The following C12orf56 variants were observed in gnomAD, a reference collection of about 807,000 sequenced individuals.
C12orf56 encodes uncharacterized protein C12orf56.
C12orf56 carries 71 observed loss-of-function variants against 69.9 expected under a neutral mutation model. The ratio of observed to expected loss-of-function variants is 1.02; its 90% CI spans 0.84 to 1.24. C12orf56 has a LOEUF of 1.24. Among genes scored for constraint, C12orf56 ranks in the 50% most tolerant of loss-of-function variants. C12orf56 has a pLI of 0.00. For synonymous variants in C12orf56, 276 were observed against 274.1 expected (o/e 1.01, Z -0.07); for missense variants, 732 against 738.5 (o/e 0.99, Z 0.10).
intron 6 of C12orf56, among the ~76,000 whole-genome samples, chr12:64,295,130 G>A (rs7295936): frequency 0.021 from 3,147 of 152,154 alleles, 104 homozygotes; most frequent in African/African-American, 0.07. Context: ...TGAGCCACTC[G>A]CCTTGGCCTC....
chr12:64,333,653 C>T (rs1185512950), intron 2 of C12orf56, among the ~76,000 whole-genome samples: 1 of 152,174 alleles, frequency 6.6e-6, no homozygotes, highest in Non-Finnish European at 1.5e-5. Flanking sequence ...AGGCGCTTGC[C>T]ACCATGCCCA....
chr12:64,355,056 G>C (rs6581550), intron 1 of C12orf56, among the ~76,000 whole-genome samples: 140,367 of 140,886 alleles, frequency 1, 69,926 homozygotes, highest in South Asian at 1. Flanking sequence ...CCAGCCTGGG[G>C]AACAAAGTGA....
chr12:64,389,186 G>A (rs2039834077), intron 1 of C12orf56: 1 of 152,200 alleles, frequency 6.6e-6, no homozygotes, highest in African/African-American at 2.4e-5. Context: ...GAGCAGCTCA[G>A]ACAAAGGGAG....
At chr12:64,301,377 G>T (rs971316297) in intron 6 of C12orf56, among the ~76,000 whole-genome samples, 1 of 152,100 alleles carries the variant, frequency 6.6e-6, no homozygotes, top group Non-Finnish European at 1.5e-5. Context: ...TTTACTGGGG[G>T]TCTGAAGAAA....
At chr12:64,356,708 A>T (rs536927456) in intron 1 of C12orf56, among the ~76,000 whole-genome samples, 2 of 152,320 alleles carry the variant, frequency 1.3e-5, no homozygotes, top group South Asian at 4.1e-4. Context: ...TGATTAGAAC[A>T]AGTGGGAAAG....
rs201977984 is a variant in C12orf56, at chr12:64,295,316, C to G, written c.1113+8319G>C. ...TAATGAGATAACATGTTGAGCGAAACAGACAGACATGTGTCTGTTCTTCTA... is the reference window on the plus strand; with the variant it reads ...TAATGAGATAACATGTTGAGCGAAAGAGACAGACATGTGTCTGTTCTTCTA... On this transcript the variant is annotated intron_variant, in intron 6 of 12. Coordinates refer to ENST00000543942, the MANE Select transcript of C12orf56 (RefSeq NM_001170633.2). Among the ~76,000 whole-genome samples the G allele has an allele frequency of 1.6e-4, 24 of 152,288 alleles. No individual in the cohort carries two copies. The East Asian group carries it at 4.0e-3, about 26-fold the overall frequency.
intron 1 of C12orf56, among the ~76,000 whole-genome samples, chr12:64,356,170 CAAAA>C (rs761289428): frequency 6.2e-5 from 3 of 48,430 alleles, no homozygotes; most frequent in Admixed American, 2.2e-4. Context: ...GACTCCATCT[CAAAA>C]AAAAAAAAAA....
chr12:64,314,040 T>A, intron 4 of C12orf56, among the ~76,000 whole-genome samples: 1 of 106,158 alleles, frequency 9.4e-6, no homozygotes, highest in East Asian at 2.4e-4. Flanking sequence ...CAAAACTCTG[T>A]CTCAAAAAAA....
At chr12:64,364,190 G>A (rs1031805049) in intron 1 of C12orf56, among the ~76,000 whole-genome samples, 3 of 152,056 alleles carry the variant, frequency 2.0e-5, no homozygotes, top group Non-Finnish European at 2.9e-5. Context: ...GCATGTGCCT[G>A]TAGTCCCAGT....
chr12:64,331,123 G>T, intron 2 of C12orf56, 91 bp from the exon 3 acceptor site: 1 of 1,109,544 alleles, frequency 9.0e-7, no homozygotes, highest in Non-Finnish European at 1.3e-6. Flanking sequence ...TTAAATGACT[G>T]TTCATAAATC....
chr12:64,296,587 T>C (rs1281952006), intron 6 of C12orf56, among the ~76,000 whole-genome samples: 1 of 152,202 alleles, frequency 6.6e-6, no homozygotes, highest in African/African-American at 2.4e-5. Context: ...ACTTATGAGT[T>C]GATGCTGGAA....
At position 64,390,529 on chromosome 12, in the gene C12orf56, T is replaced by C. The variant is rs1314784998; in HGVS notation, c.37A>G (p.Arg13Gly). Residue 13 changes from arginine (R) to glycine (G), a missense_variant, in exon 1 of 13, where the codon AGG (arginine) becomes GGG (glycine). By Grantham distance (125) the Arg-to-Gly change is moderately radical (BLOSUM62 -2). Transcript: ENST00000543942. Reference sequence around the variant, plus strand: ...AGGAACACATCCAGGCGGCTGTTCCTGCGCGCGGGGAAGCCGGACGGCAAG... The same window carrying C: ...AGGAACACATCCAGGCGGCTGTTCCCGCGCGCGGGGAAGCCGGACGGCAAG... ...SPLPSGFPARRNSRLDVFLRR... is the reference protein window; with the variant it reads ...SPLPSGFPARGNSRLDVFLRR... 1 of 1,596,670 alleles carries C rather than the reference T, an allele frequency of 6.3e-7. No individual in the cohort carries two copies. Among genetic ancestry groups the C allele is most frequent in the Admixed American group, 1.7e-5 (1 of 59,820 alleles).
At chr12:64,330,816 A>G in intron 3 of C12orf56, 144 bp downstream of exon 3, 2 of 602,560 alleles carry the variant, frequency 3.3e-6, no homozygotes. Context: ...TCTCTCAAAA[A>G]TACTTTCTTC....
At chr12:64,303,001 G>A (rs184243595) in intron 6 of C12orf56, among the ~76,000 whole-genome samples, 24 of 151,984 alleles carry the variant, frequency 1.6e-4, no homozygotes, top group Non-Finnish European at 2.5e-4. Context: ...GGCAGGGCGC[G>A]GTGGTTCACA....
At chr12:64,332,764 C>T (rs1227634608) in intron 2 of C12orf56, among the ~76,000 whole-genome samples, 1 of 152,180 alleles carries the variant, frequency 6.6e-6, no homozygotes, top group Non-Finnish European at 1.5e-5. Flanking sequence ...GACATTTGTT[C>T]TTGAGAGACA....
At chr12:64,362,115 C>A (rs538542658) in intron 1 of C12orf56, among the ~76,000 whole-genome samples, 1 of 152,250 alleles carries the variant, frequency 6.6e-6, no homozygotes, top group South Asian at 2.1e-4. Context: ...AGAACCCTTT[C>A]TTGGGGTCTG....
chr12:64,277,582 G>T, intron 9 of C12orf56, 98 bp downstream of exon 9: 1 of 793,042 alleles, frequency 1.3e-6, no homozygotes, highest in Non-Finnish European at 1.7e-6. Context: ...GTTTAATTAT[G>T]TTTCTCTATT....
At chr12:64,275,805 G>A (rs1402448869) in intron 9 of C12orf56, among the ~76,000 whole-genome samples, 3 of 151,700 alleles carry the variant, frequency 2.0e-5, no homozygotes, top group Non-Finnish European at 2.9e-5. Context: ...ACAGGGTCTC[G>A]CTTGTTGCCC....
At chr12:64,329,714 C>T (rs1290949324) in intron 3 of C12orf56, among the ~76,000 whole-genome samples, 3 of 127,890 alleles carry the variant, frequency 2.3e-5, no homozygotes, top group Non-Finnish European at 4.7e-5. Context: ...GTGTGATGTT[C>T]CCCTTCCTGT....
Sources: gnomAD v4.1 joint callset for allele counts (sites outside exome capture counted in the v4.1 genomes callset) on GRCh38, gnomAD v4.1.1 for gene constraint, MANE v1.5 for transcripts, NCBI Gene and HGNC (gene_info 2026-07-23, HGNC 2026-07-21) for gene names.